Variants in OSTC observed in about 807,000 individuals in gnomAD.
OSTC encodes oligosaccharyltransferase complex non-catalytic subunit.
A neutral mutation model predicts 16.4 loss-of-function variants in OSTC; 16 were observed. The observed-to-expected ratio is 0.98, with a 90% CI of 0.66 to 1.49. The LOEUF is 1.49. OSTC is among the 40% of genes most tolerant of loss of function. The probability of loss-of-function intolerance (pLI) is 0.00; values close to 1 mark genes in which losing one functional copy is unlikely to be tolerated. For missense variants in OSTC, 139 were observed against 186.3 expected (o/e 0.75, Z 1.48); for synonymous variants, 67 against 68.5 (o/e 0.98, Z 0.11).
chr4:108,655,142 T>C (rs1034609266), intron 1 of OSTC, among the ~76,000 whole-genome samples: 3 of 152,210 alleles, frequency 2.0e-5, no homozygotes, highest in Admixed American at 6.5e-5. Context: ...TTGGTTATAA[T>C]AATACAATCA....
At chr4:108,662,707 T>A (rs1484927072) in intron 3 of OSTC, among the ~76,000 whole-genome samples, 12 of 152,238 alleles carry the variant, frequency 7.9e-5, no homozygotes, top group Non-Finnish European at 1.5e-5. Context: ...TGGCTTGGCT[T>A]TGTAACCATA....
Position 108,665,430 on chromosome 4 carries a change from TA to T in OSTC, c.432-1815del, listed in dbSNP as rs575926578. 7.3e-4 allele frequency among the ~76,000 whole-genome samples: 106 copies of T among 145,316 alleles called. 1 individual carries two copies. The highest frequency in any genetic ancestry group is 2.6e-3 in the African/African-American group (103 of 39,908). ...GGCGTTCTGAAGCCGTCAGTGAGTA[TA>T]AGGTGTTGTAAACCTTTTTTTTTTT... On this transcript the variant is annotated intron_variant, in intron 3 of 3. Coordinates refer to ENST00000361564, the MANE Select transcript of OSTC (RefSeq NM_021227.4).
intron 3 of OSTC, among the ~76,000 whole-genome samples, chr4:108,666,745 C>T (rs2060586): frequency 0.81 from 113,340 of 140,534 alleles, 46,073 homozygotes; most frequent in East Asian, 0.99. Flanking sequence ...GGGCTTCACG[C>T]GTGTAATCCC....
At chr4:108,652,952 T>C (rs1315039924) in intron 1 of OSTC, among the ~76,000 whole-genome samples, 4 of 152,084 alleles carry the variant, frequency 2.6e-5, no homozygotes, top group Non-Finnish European at 4.4e-5. Context: ...GGCAGGAGAA[T>C]TGCTTGTACC....
At chr4:108,653,549 C>T (rs1297838539) in intron 1 of OSTC, among the ~76,000 whole-genome samples, 5 of 152,138 alleles carry the variant, frequency 3.3e-5, no homozygotes, top group Non-Finnish European at 7.3e-5. Flanking sequence ...GTCTTGAATT[C>T]ACTGGGTGTA....
intron 1 of OSTC, chr4:108,652,151 T>C (rs1726570917): frequency 6.6e-6 from 1 of 152,142 alleles, no homozygotes; most frequent in Non-Finnish European, 1.5e-5. Context: ...TATTATTGAG[T>C]GCTCGCTTCG....
At chr4:108,650,923 G>A in intron 1 of OSTC, 129 bp downstream of exon 1, 2 of 1,381,098 alleles carry the variant, frequency 1.4e-6, no homozygotes, top group Non-Finnish European at 2.0e-6. Context: ...TCTGAGGGTG[G>A]AGGGGAGTTC....
chr4:108,659,065 G>A (rs182331825), intron 3 of OSTC, among the ~76,000 whole-genome samples: 59 of 18,822 alleles, frequency 3.1e-3, no homozygotes, highest in South Asian at 0.023. Flanking sequence ...TGCAACCTCC[G>A]CCTCCCAGGT....
At chr4:108,654,739 G>A (rs1478715112) in intron 1 of OSTC, among the ~76,000 whole-genome samples, 1 of 152,218 alleles carries the variant, frequency 6.6e-6, no homozygotes, top group Non-Finnish European at 1.5e-5. Context: ...TAGTGCTGAT[G>A]AACATTAATG....
intron 2 of OSTC, among the ~76,000 whole-genome samples, chr4:108,656,846 TC>T (rs990419548): frequency 2.6e-5 from 4 of 152,154 alleles, no homozygotes; most frequent in Non-Finnish European, 5.9e-5. Flanking sequence ...ACGCCTGTAA[TC>T]CCAGCACTTT....
chr4:108,665,273 G>A (rs1249913460), intron 3 of OSTC, among the ~76,000 whole-genome samples: 2 of 152,096 alleles, frequency 1.3e-5, no homozygotes, highest in African/African-American at 4.8e-5. Flanking sequence ...ACTACGAGTA[G>A]CAATTACTAT....
chr4:108,660,871 T>G (rs1726838946), intron 3 of OSTC, among the ~76,000 whole-genome samples: 1 of 152,224 alleles, frequency 6.6e-6, no homozygotes, highest in Admixed American at 6.5e-5. Flanking sequence ...ATAATTTTAC[T>G]AATTAAAACA....
In OSTC at chr4:108,666,604, G is replaced by A. The variant is rs938110503; in HGVS notation, c.432-643G>A. On this transcript the variant is annotated intron_variant, in intron 3 of 3. Coordinates refer to ENST00000361564, the MANE Select transcript of OSTC (RefSeq NM_021227.4). ...CGGTCACCTGTAATCCCAGCTACTTGGGAGGCTGAGGCAGGAGAATCGCTT... is the reference window on the plus strand; with the variant it reads ...CGGTCACCTGTAATCCCAGCTACTTAGGAGGCTGAGGCAGGAGAATCGCTT... Among the ~76,000 whole-genome samples, 5 of 151,976 alleles carry A rather than the reference G, an allele frequency of 3.3e-5. No individual in the cohort carries two copies. The South Asian group carries it at 1.0e-3, about 32-fold the overall frequency.
In OSTC at chr4:108,657,694, T is replaced by C. The variant is rs375863579; in HGVS notation, c.431+47T>C. The C allele has an allele frequency of 9.3e-4, 1,377 of 1,481,664 alleles. 32 individuals are homozygous for C. In the South Asian group the frequency reaches 0.015, roughly 16 times the overall value. 91.8% of individuals were successfully genotyped at this position (1,481,664 alleles called of 1,614,324 possible). Reference sequence around the variant, plus strand: ...CACCTTATGTTGCAAATTGGTAAAATGATTACCTGGAAAATGTAAAGTCAT... The same window carrying C: ...CACCTTATGTTGCAAATTGGTAAAACGATTACCTGGAAAATGTAAAGTCAT... On this transcript the variant is annotated intron_variant, in intron 3 of 3. Coordinates refer to ENST00000361564, the MANE Select transcript of OSTC (RefSeq NM_021227.4).
At chr4:108,661,915 AAAAAAT>A (rs1231234722) in intron 3 of OSTC, among the ~76,000 whole-genome samples, 2 of 152,184 alleles carry the variant, frequency 1.3e-5, no homozygotes, top group Non-Finnish European at 2.9e-5. Flanking sequence ...AGAATCTTAA[AAAAAAT>A]AAAAATAAAA....
chr4:108,653,638 A>G (rs1485507090), intron 1 of OSTC, among the ~76,000 whole-genome samples: 2 of 152,160 alleles, frequency 1.3e-5, no homozygotes, highest in African/African-American at 4.8e-5. Flanking sequence ...ATTTCCTGAG[A>G]TTGAGAAAAC....
intron 1 of OSTC, chr4:108,652,157 C>T (rs1183563049): frequency 6.6e-6 from 1 of 152,064 alleles, no homozygotes; most frequent in Non-Finnish European, 1.5e-5. Flanking sequence ...TGAGTGCTCG[C>T]TTCGGCAGCA....
At chr4:108,663,242 C>T (rs1163402391) in intron 3 of OSTC, 2 of 455,442 alleles carry the variant, frequency 4.4e-6, no homozygotes, top group African/African-American at 2.0e-5. Context: ...GACGGAGTCT[C>T]GCTCTGTTGC....
intron 3 of OSTC, among the ~76,000 whole-genome samples, chr4:108,657,865 G>A (rs1354487538): frequency 6.9e-6 from 1 of 144,466 alleles, no homozygotes; most frequent in Non-Finnish European, 1.5e-5. Context: ...GTTCATGAGA[G>A]AAAATTTAGT....
Sources: allele counts gnomAD v4.1 joint callset (sites outside exome capture counted in the v4.1 genomes callset), GRCh38; gene constraint gnomAD v4.1.1; transcripts MANE v1.5; gene names NCBI Gene and HGNC (gene_info 2026-07-23, HGNC 2026-07-21).